The following LRIF1 variants were observed in gnomAD, a reference collection of about 807,000 sequenced individuals.
The protein encoded by LRIF1 is ligand dependent nuclear receptor interacting factor 1.
In LRIF1, 32 loss-of-function variants were observed where a neutral mutation model predicts 52.7. The ratio of observed to expected loss-of-function variants is 0.61; its 90% CI spans 0.46 to 0.82. The LOEUF is 0.82. Among genes scored for constraint, LRIF1 ranks in the 40% least tolerant of loss-of-function variants. LRIF1 has a pLI of 0.00. For missense variants in LRIF1, 887 were observed against 892.0 expected (o/e 0.99, Z 0.07); for synonymous variants, 323 against 317.4 (o/e 1.02, Z -0.19).
At chr1:110,958,457 T>C (rs1013855696) in intron 1 of LRIF1, among the ~76,000 whole-genome samples, 1 of 1,152 alleles carries the variant, frequency 8.7e-4, no homozygotes, top group African/African-American at 1.8e-3. Context: ...GCTAATTTTT[T>C]AAAATGAGTA....
chr1:110,886,786 C>T, the LRIF1 span, among the ~76,000 whole-genome samples: 1 of 149,324 alleles, frequency 6.7e-6, no homozygotes, highest in African/African-American at 2.5e-5. Flanking sequence ...TGGAGGCTGC[C>T]GTGAGCCAAG....
At chr1:110,891,907 T>C in the LRIF1 span, among the ~76,000 whole-genome samples, 11 of 152,170 alleles carry the variant, frequency 7.2e-5, no homozygotes, top group Non-Finnish European at 1.5e-4. Flanking sequence ...ATAGGATGGG[T>C]TGGTACTTGT....
At chr1:110,888,932 A>G in the LRIF1 span, among the ~76,000 whole-genome samples, 2 of 152,142 alleles carry the variant, frequency 1.3e-5, no homozygotes, top group African/African-American at 4.8e-5. Flanking sequence ...CCACCATGAA[A>G]TATTCTTTGA....
At chr1:110,933,853 C>T in the LRIF1 span, among the ~76,000 whole-genome samples, 1 of 152,256 alleles carries the variant, frequency 6.6e-6, no homozygotes, top group Admixed American at 6.5e-5. Flanking sequence ...GAGACACCAG[C>T]TGGGGTGGCT....
intron 1 of LRIF1, among the ~76,000 whole-genome samples, chr1:110,959,653 G>C (rs1041393577): frequency 6.6e-6 from 1 of 150,552 alleles, no homozygotes; most frequent in Admixed American, 6.7e-5. Context: ...GGGAGGCTGA[G>C]GCAGGAGAAT....
the LRIF1 span, chr1:110,897,988 A>G: frequency 1.6e-6 from 1 of 606,572 alleles, no homozygotes; most frequent in Non-Finnish European, 2.9e-6. Context: ...TACACAATAA[A>G]TGTTAGCTAT....
the LRIF1 span, among the ~76,000 whole-genome samples, chr1:110,918,635 G>A: frequency 1.8e-4 from 28 of 152,300 alleles, no homozygotes; most frequent in African/African-American, 6.5e-4. Flanking sequence ...AACTTGAAGA[G>A]ACAGTGAGAA....
At chr1:110,935,827 C>G in the LRIF1 span, among the ~76,000 whole-genome samples, 1 of 151,830 alleles carries the variant, frequency 6.6e-6, no homozygotes, top group Non-Finnish European at 1.5e-5. Flanking sequence ...AAAAATATAT[C>G]AATATCCATA....
the LRIF1 span, among the ~76,000 whole-genome samples, chr1:110,905,471 G>A: frequency 2.0e-5 from 3 of 151,690 alleles, no homozygotes; most frequent in African/African-American, 7.3e-5. Context: ...CAGGCCGAGA[G>A]AGTGGCATGA....
chr1:110,916,860 A>C, the LRIF1 span, among the ~76,000 whole-genome samples: 201 of 152,336 alleles, frequency 1.3e-3, 1 homozygote, highest in South Asian at 5.0e-3. Context: ...GTCAACTCAT[A>C]AGGAAAAAAA....
intron 2 of LRIF1, 49 bp from the exon 3 acceptor site, chr1:110,950,172 G>C: frequency 3.3e-6 from 5 of 1,537,000 alleles, no homozygotes; most frequent in African/African-American, 2.8e-5. Context: ...AATTATTCAA[G>C]TTACTTTATT....
intron 1 of LRIF1, among the ~76,000 whole-genome samples, chr1:110,953,485 A>G (rs1464318217): frequency 6.6e-6 from 1 of 152,220 alleles, no homozygotes; most frequent in African/African-American, 2.4e-5. Flanking sequence ...CTATCAACCC[A>G]TACATATAAT....
the LRIF1 span, chr1:110,894,169 C>T: frequency 4.6e-6 from 3 of 645,884 alleles, no homozygotes; most frequent in South Asian, 5.5e-5. Context: ...AAAAAGAACA[C>T]ATATTTTCAC....
At chr1:110,960,447 A>C (rs908394954) in intron 1 of LRIF1, among the ~76,000 whole-genome samples, 2 of 152,214 alleles carry the variant, frequency 1.3e-5, no homozygotes, top group African/African-American at 4.8e-5. Context: ...TGCTGAGAAC[A>C]CTTAAGTTTA....
At chr1:110,879,842 A>G in the LRIF1 span, among the ~76,000 whole-genome samples, 1 of 152,158 alleles carries the variant, frequency 6.6e-6, no homozygotes, top group Non-Finnish European at 1.5e-5. Flanking sequence ...GGCTGGGATT[A>G]CAGGTGTGAG....
chr1:110,893,266 A>G, the LRIF1 span, among the ~76,000 whole-genome samples: 1 of 152,132 alleles, frequency 6.6e-6, no homozygotes, highest in Non-Finnish European at 1.5e-5. Context: ...CATTTGGTTA[A>G]TCTTTTTTCC....
chr1:110,900,072 C>T, the LRIF1 span: 3 of 152,334 alleles, frequency 2.0e-5, no homozygotes, highest in African/African-American at 7.2e-5. Context: ...TTTATTATCT[C>T]ATGGTTTTTG....
the LRIF1 span, chr1:110,937,693 C>T: frequency 6.6e-6 from 1 of 151,638 alleles, no homozygotes; most frequent in Non-Finnish European, 1.5e-5. Context: ...GCAAACCTCA[C>T]CCAAAATTAG....
the LRIF1 span, among the ~76,000 whole-genome samples, chr1:110,900,398 G>A: frequency 1.3e-5 from 2 of 152,146 alleles, no homozygotes; most frequent in Non-Finnish European, 2.9e-5. Context: ...ATGGAGACTT[G>A]CTTTGTCACA....
Sources: allele counts gnomAD v4.1 joint callset (sites outside exome capture counted in the v4.1 genomes callset), GRCh38; gene constraint gnomAD v4.1.1; transcripts MANE v1.5; gene names NCBI Gene and HGNC (gene_info 2026-07-23, HGNC 2026-07-21).